Variants in DSCAM observed in about 807,000 individuals in gnomAD.
DSCAM encodes cell adhesion molecule DSCAM.
DSCAM carries 47 observed loss-of-function variants against 217.7 expected under a neutral mutation model. That is an observed-to-expected ratio of 0.22 (90% CI 0.17 to 0.28). DSCAM has a LOEUF of 0.28. DSCAM is among the 10% of genes least tolerant of loss of function. The probability of loss-of-function intolerance (pLI) is 1.00; values close to 1 mark genes in which losing one functional copy is unlikely to be tolerated. For synonymous variants in DSCAM, 1,056 were observed against 1,015.3 expected, an observed-to-expected ratio of 1.04 and a Z score of -0.76; for missense variants, 2,080 against 2,618.3, an observed-to-expected ratio of 0.79 and a Z score of 4.49.
At chr21:40,023,591 GT>G (rs1167893316) in intron 32 of DSCAM, among the ~76,000 whole-genome samples, 4 of 117,262 alleles carry the variant, frequency 3.4e-5, no homozygotes, top group African/African-American at 6.8e-5. Flanking sequence ...TCTCATTGTG[GT>G]TTTGATTTGC....
chr21:40,198,219 G>GA (rs1211733921), intron 11 of DSCAM, among the ~76,000 whole-genome samples: 4 of 152,184 alleles, frequency 2.6e-5, no homozygotes, highest in East Asian at 1.9e-4. Context: ...CAAAAAGCAG[G>GA]AAAAAGGTGC....
At chr21:40,508,756 TATATATATATATATATATATATATATA>T (rs1444068518) in intron 3 of DSCAM, among the ~76,000 whole-genome samples, 18,865 of 42,098 alleles carry the variant, frequency 0.45, 3,977 homozygotes, top group Admixed American at 0.49. Flanking sequence ...TATATATATA[TATATATATATATATATATATATATATA>T]TTTTTTTTTT....
chr21:40,352,028 C>T (rs1314405324), intron 5 of DSCAM, among the ~76,000 whole-genome samples: 1 of 152,170 alleles, frequency 6.6e-6, no homozygotes, highest in Non-Finnish European at 1.5e-5. Flanking sequence ...TTTTTATTAA[C>T]CCATTTATGC....
chr21:40,645,175 T>TC (rs935034869), intron 3 of DSCAM, among the ~76,000 whole-genome samples: 1 of 152,156 alleles, frequency 6.6e-6, no homozygotes, highest in Non-Finnish European at 1.5e-5. Flanking sequence ...TCCTTTCCCT[T>TC]CCTTCTGTGG....
chr21:40,332,964 G>A (rs972526212), intron 8 of DSCAM, among the ~76,000 whole-genome samples: 4 of 152,122 alleles, frequency 2.6e-5, no homozygotes, highest in Non-Finnish European at 5.9e-5. Context: ...CGAACCTCCT[G>A]GGGACAAGAT....
At chr21:40,557,061 G>A (rs2150420) in intron 3 of DSCAM, among the ~76,000 whole-genome samples, 80,205 of 151,712 alleles carry the variant, frequency 0.53, 22,214 homozygotes, top group South Asian at 0.62. Flanking sequence ...ATATCCACAT[G>A]TAAGTGGACC....
intron 11 of DSCAM, among the ~76,000 whole-genome samples, chr21:40,227,302 C>T (rs1229556971): frequency 1.3e-5 from 2 of 152,186 alleles, no homozygotes; most frequent in Non-Finnish European, 2.9e-5. Flanking sequence ...ACAGGTGCAT[C>T]CTGTGAGAAT....
chr21:40,392,950 T>G (rs926465861), intron 3 of DSCAM, among the ~76,000 whole-genome samples: 4 of 152,112 alleles, frequency 2.6e-5, no homozygotes, highest in African/African-American at 9.7e-5. Context: ...CCAAATCAAG[T>G]ACTAAAAAGA....
At chr21:40,446,012 A>G (rs115900670) in intron 3 of DSCAM, among the ~76,000 whole-genome samples, 1,633 of 152,286 alleles carry the variant, frequency 0.011, 37 homozygotes, top group African/African-American at 0.037. Flanking sequence ...ACTTGCCTGT[A>G]TATTAGAGTT....
chr21:40,687,983 T>C (rs1383306378), intron 3 of DSCAM, among the ~76,000 whole-genome samples: 1 of 152,190 alleles, frequency 6.6e-6, no homozygotes, highest in Non-Finnish European at 1.5e-5. Flanking sequence ...TGTCCTTTGA[T>C]ATTTCATGTG....
At chr21:40,097,023 C>T (rs764094133) in intron 20 of DSCAM, among the ~76,000 whole-genome samples, 4 of 151,970 alleles carry the variant, frequency 2.6e-5, no homozygotes, top group African/African-American at 7.2e-5. Context: ...ACCCACATTA[C>T]AAGAAATGTT....
intron 10 of DSCAM, among the ~76,000 whole-genome samples, chr21:40,290,649 G>C (rs140011631): frequency 0.013 from 2,025 of 152,218 alleles, 50 homozygotes; most frequent in African/African-American, 0.046. Context: ...TAAACTACCA[G>C]ACTTCAAAGT....
chr21:40,765,115 A>T (rs188524077), intron 1 of DSCAM, among the ~76,000 whole-genome samples: 287 of 151,590 alleles, frequency 1.9e-3, no homozygotes, highest in Middle Eastern at 3.4e-3. Context: ...AAAAAAAAGA[A>T]CTTGTCAGAA....
At chr21:40,497,899 G>A (rs1019389707) in intron 3 of DSCAM, among the ~76,000 whole-genome samples, 3 of 152,172 alleles carry the variant, frequency 2.0e-5, no homozygotes, top group African/African-American at 7.2e-5. Context: ...CTGCTATGTT[G>A]GAATTGGTCA....
intron 3 of DSCAM, among the ~76,000 whole-genome samples, chr21:40,673,535 T>C (rs2090301337): frequency 1.3e-5 from 2 of 152,188 alleles, no homozygotes; most frequent in South Asian, 4.1e-4. Flanking sequence ...TTATATTCTA[T>C]AGAATAACAT....
chr21:40,646,410 C>CAAAAAAAAAAA (rs112111569), intron 3 of DSCAM, among the ~76,000 whole-genome samples: 1 of 129,082 alleles, frequency 7.7e-6, no homozygotes, highest in African/African-American at 3.0e-5. Context: ...GAGACTCTGT[C>CAAAAAAAAAAA]AAAAAAAAAA....
chr21:40,809,203 AAG>A (rs1322089316), intron 1 of DSCAM, among the ~76,000 whole-genome samples: 1 of 152,142 alleles, frequency 6.6e-6, no homozygotes, highest in Non-Finnish European at 1.5e-5. Context: ...CGATAAAGGC[AAG>A]AGACAACAGC....
intron 1 of DSCAM, among the ~76,000 whole-genome samples, chr21:40,738,454 A>C (rs892494889): frequency 1.3e-5 from 2 of 152,170 alleles, no homozygotes; most frequent in African/African-American, 4.8e-5. Context: ...CAGTGGTCCA[A>C]GCTAACAGGC....
At chr21:40,637,653 A>ATGTATC (rs2089822054) in intron 3 of DSCAM, among the ~76,000 whole-genome samples, 1 of 12,396 alleles carries the variant, frequency 8.1e-5, no homozygotes, top group African/African-American at 4.0e-4. Context: ...ATATATATCT[A>ATGTATC]TATATATATA....
Sources: gnomAD v4.1 joint callset for allele counts (sites outside exome capture counted in the v4.1 genomes callset) on GRCh38, gnomAD v4.1.1 for gene constraint, MANE v1.5 for transcripts, NCBI Gene and HGNC (gene_info 2026-07-23, HGNC 2026-07-21) for gene names.